Variants in SYT2 observed in about 807,000 individuals in gnomAD.
SYT2 encodes synaptotagmin 2.
SYT2 carries 15 observed loss-of-function variants against 39.9 expected under a neutral mutation model. The observed-to-expected ratio is 0.38, with a 90% CI of 0.25 to 0.58. The LOEUF (loss-of-function observed/expected upper bound fraction) is 0.58, where lower values mean the gene tolerates loss of function less well. SYT2 is among the 20% of genes least tolerant of loss of function. The pLI is 0.70. For synonymous variants in SYT2, 181 were observed against 204.5 expected (o/e 0.89, Z 0.98); for missense variants, 389 against 530.3 (o/e 0.73, Z 2.62).
At chr1:202,663,046 C>T (rs1380402351) in intron 1 of SYT2, among the ~76,000 whole-genome samples, 2 of 152,270 alleles carry the variant, frequency 1.3e-5, no homozygotes, top group Middle Eastern at 3.4e-3. Flanking sequence ...TAATCTCTCT[C>T]GGCATCATCA....
chr1:202,618,400 AGTGTGTGTGT>A (rs57621822), intron 1 of SYT2, among the ~76,000 whole-genome samples: 3 of 148,766 alleles, frequency 2.0e-5, no homozygotes, highest in Non-Finnish European at 4.5e-5. Flanking sequence ...GTCTGGTGTG[AGTGTGTGTGT>A]GTGTGTGTGT....
At chr1:202,685,299 GC>G (rs1298777673) in intron 1 of SYT2, among the ~76,000 whole-genome samples, 1 of 152,050 alleles carries the variant, frequency 6.6e-6, no homozygotes, top group Non-Finnish European at 1.5e-5. Flanking sequence ...CTGCACCAGT[GC>G]CCCCCACCAC....
intron 1 of SYT2, among the ~76,000 whole-genome samples, chr1:202,664,965 G>C (rs1011110562): frequency 2.0e-5 from 3 of 152,136 alleles, no homozygotes; most frequent in Non-Finnish European, 4.4e-5. Context: ...GGACTTCTCA[G>C]CATAATTATT....
intron 1 of SYT2, among the ~76,000 whole-genome samples, chr1:202,653,149 C>T (rs1692222122): frequency 6.6e-6 from 1 of 152,092 alleles, no homozygotes; most frequent in African/African-American, 2.4e-5. Context: ...TCCTGCTGCA[C>T]CCAGACAAAA....
chr1:202,645,263 G>A (rs1692057479), intron 1 of SYT2, among the ~76,000 whole-genome samples: 1 of 152,194 alleles, frequency 6.6e-6, no homozygotes, highest in Admixed American at 6.5e-5. Context: ...ATCCCACACT[G>A]AGGAGGGGAC....
chr1:202,638,464 C>CGCTCAAT lies in SYT2; in HGVS notation c.-17-32682_-17-32676dup, dbSNP rs1691807170. On this transcript the variant is annotated intron_variant, in intron 1 of 8. Transcript: ENST00000367268. Reference sequence around the variant, plus strand: ...TTCTGCAGGCTCTGCCTGAGAGACCCGCTCAATGGGCCATCTGCTCGGAGG... The same window carrying CGCTCAAT: ...TTCTGCAGGCTCTGCCTGAGAGACCCGCTCAATGCTCAATGGGCCATCTGCTCGGAGG... 4.6e-5 allele frequency among the ~76,000 whole-genome samples: 7 copies of CGCTCAAT among 152,358 alleles called. No homozygotes were observed. In the South Asian group the frequency reaches 1.4e-3, roughly 32 times the overall value.
At chr1:202,679,447 C>T (rs1653471946) in intron 1 of SYT2, among the ~76,000 whole-genome samples, 1 of 152,218 alleles carries the variant, frequency 6.6e-6, no homozygotes, top group African/African-American at 2.4e-5. Flanking sequence ...GCTCCAGGCA[C>T]CATCATTGAC....
Position 202,623,697 on chromosome 1 carries a change from G to A in SYT2, c.-17-17908C>T, listed in dbSNP as rs1434428346. Among the ~76,000 whole-genome samples the A allele has an allele frequency of 2.6e-5, 4 of 152,206 alleles. No individual in the cohort carries two copies. The highest frequency in any genetic ancestry group is 6.5e-5 in the Admixed American group (1 of 15,282). The stretch of plus-strand genomic sequence containing the variant: ...GTGGGCCCCAGGAGGTCTGTTGTGC[G>A]CATGCTCTGAGTGTGAGGGAGGACG... On this transcript the variant is annotated intron_variant, in intron 1 of 8. Coordinates refer to ENST00000367268, the MANE Select transcript of SYT2 (RefSeq NM_177402.5). This position sits in a 1 kb window ranked among gnomAD's most constrained non-coding sequence, Gnocchi z 4.2.
rs777807547 is a variant in SYT2 at position 202,604,534 on chromosome 1, C to G, written c.266G>C (p.Cys89Ser). The change falls in exon 3 of 9, where the codon TGC becomes TCC. Residue 89 changes from cysteine (C) to serine (S), a missense_variant. Cys to Ser is a moderately radical substitution (Grantham distance 112, BLOSUM62 -1). Around this residue, in one of 4 missense-constraint regions of SYT2, gnomAD observed 280 missense variants for 335.6 expected, o/e 0.83. Coordinates refer to ENST00000367268, the MANE Select transcript of SYT2 (RefSeq NM_177402.5). ...CTCCTTCTTGTTCTTCTTCTTCTTG[C>G]AGCAGCATTTCTTGCAGATGCAGAA... ...CCFCICKKCC[C>S]KKKKNKKEKG... The G allele has an allele frequency of 1.9e-6, 3 of 1,614,086 alleles. No individual in the cohort carries two copies. Among genetic ancestry groups the G allele is most frequent in the Non-Finnish European group, 2.5e-6 (3 of 1,180,044 alleles).
chr1:202,636,333 G>C lies in SYT2; in HGVS notation c.-17-30544C>G, dbSNP rs539802169. 3.0e-6 allele frequency: 3 copies of C among 985,032 alleles called. No individual in the cohort carries two copies. The African/African-American group carries it at 5.2e-5, about 17-fold the overall frequency. 61.0% of individuals were successfully genotyped at this position (985,032 alleles called of 1,614,324 possible). ...CTGGGTTTGGTGCCCTTGGTAGAAAGCCCAACATGCCAGGACCTCAGCCAG... is the reference window on the plus strand; with the variant it reads ...CTGGGTTTGGTGCCCTTGGTAGAAACCCCAACATGCCAGGACCTCAGCCAG... On this transcript the variant is annotated intron_variant, in intron 1 of 8. Coordinates refer to ENST00000367268, the MANE Select transcript of SYT2 (RefSeq NM_177402.5).
At chr1:202,692,630 ATCC>A (rs1226926453) in intron 1 of SYT2, among the ~76,000 whole-genome samples, 15 of 152,246 alleles carry the variant, frequency 9.9e-5, no homozygotes, top group Admixed American at 8.5e-4. Flanking sequence ...CTTGGAGCTC[ATCC>A]TCCTCATTTT....
At chr1:202,656,742 A>G (rs542432063) in intron 1 of SYT2, among the ~76,000 whole-genome samples, 1 of 152,332 alleles carries the variant, frequency 6.6e-6, no homozygotes, top group South Asian at 2.1e-4. Context: ...TCCCCAGCCC[A>G]ACCTCCTGCT....
Position 202,596,958 on chromosome 1 carries a change from G to T in SYT2, c.1059C>A (p.Val353=), listed in dbSNP as rs768634109. 1 of 1,613,068 alleles carries T rather than the reference G, an allele frequency of 6.2e-7. No individual in the cohort carries two copies. The highest frequency in any genetic ancestry group is 1.1e-5 in the South Asian group (1 of 91,038). ...AGTCCAGCACGGTGACCACTACCTG[G>T]ACTTTCTGCAAGGAAAACGAGGGAG... ...FEIPFEQIQK[V]QVVVTVLDYD... The change falls in exon 9 of 9, where the codon GTC becomes GTA. Residue 353 remains valine (V), a synonymous_variant. Transcript: ENST00000367268.
At chr1:202,679,477 G>A (rs990572728) in intron 1 of SYT2, among the ~76,000 whole-genome samples, 19 of 152,162 alleles carry the variant, frequency 1.2e-4, no homozygotes, top group Non-Finnish European at 2.2e-4. Context: ...TGGTTCGGAG[G>A]CTTAGAAATC....
intron 1 of SYT2, among the ~76,000 whole-genome samples, chr1:202,692,392 T>C (rs1653859308): frequency 1.3e-5 from 2 of 151,930 alleles, no homozygotes; most frequent in African/African-American, 4.8e-5. Context: ...GGATAATAAA[T>C]ATTACAGGGA....
In SYT2 at chr1:202,687,619, T is replaced by G. The variant is rs141373085; in HGVS notation, c.-18+22639A>C. On this transcript the variant is annotated intron_variant, in intron 1 of 8. Transcript: ENST00000367268. ...ATACAGAAGTTACAATGAGCTGAGG[T>G]TGCGCCATTGTACTCCAGCCTGGGC... Among the ~76,000 whole-genome samples, 259 of 144,346 alleles carry G rather than the reference T, an allele frequency of 1.8e-3. 1 individual carries two copies. Among genetic ancestry groups the G allele is most frequent in the African/African-American group, 4.3e-3 (170 of 39,230 alleles). The allele number at this position is 144,346 out of a possible 152,430, so 94.7% of individuals were successfully genotyped here.
intron 1 of SYT2, among the ~76,000 whole-genome samples, chr1:202,627,260 T>C (rs1691442940): frequency 6.6e-6 from 1 of 152,206 alleles, no homozygotes; most frequent in African/African-American, 2.4e-5. Flanking sequence ...CCACTAGGGC[T>C]GTGAGGTGGG....
rs183307730 is a variant in SYT2, at chr1:202,660,699, T to A, written c.-18+49559A>T. ...GGTCTTGCTATTCTGCCCAGGCTGG[T>A]CTTGAACTCCTGGGCTCAAGCAATC... is the stretch of plus-strand genomic sequence containing the variant. On this transcript the variant is annotated intron_variant, in intron 1 of 8. Coordinates refer to ENST00000367268, the MANE Select transcript of SYT2 (RefSeq NM_177402.5). Among the ~76,000 whole-genome samples, 41 of 152,268 alleles carry A rather than the reference T, an allele frequency of 2.7e-4. No homozygotes were observed. The East Asian group carries it at 7.3e-3, about 27-fold the overall frequency.
At chr1:202,613,762 C>A (rs1690954466) in intron 1 of SYT2, among the ~76,000 whole-genome samples, 1 of 152,178 alleles carries the variant, frequency 6.6e-6, no homozygotes, top group African/African-American at 2.4e-5. Flanking sequence ...CTGCAGCACC[C>A]CACCCTCTCA....
Sources: allele counts gnomAD v4.1 joint callset (sites outside exome capture counted in the v4.1 genomes callset), GRCh38; gene constraint gnomAD v4.1.1; regional missense constraint gnomAD v4.1.1; non-coding constraint Gnocchi (gnomAD v3.1); transcripts MANE v1.5; gene names NCBI Gene and HGNC (gene_info 2026-07-23, HGNC 2026-07-21).